The following AEBP2 variants were observed in gnomAD, a reference collection of about 807,000 sequenced individuals.
AEBP2 encodes the protein zinc finger protein AEBP2.
AEBP2 carries 10 observed loss-of-function variants against 50.8 expected under a neutral mutation model. The observed-to-expected ratio is 0.20, with a 90% CI of 0.12 to 0.33. AEBP2 has a LOEUF of 0.33. AEBP2 is among the 10% of genes least tolerant of loss of function. The pLI is 1.00. For synonymous variants in AEBP2, 296 were observed against 261.3 expected, an observed-to-expected ratio of 1.13 and a Z score of -1.28; for missense variants, 570 against 688.0, an observed-to-expected ratio of 0.83 and a Z score of 1.92.
intron 5 of AEBP2, among the ~76,000 whole-genome samples, chr12:19,504,016 C>T (rs1326182930): frequency 6.6e-6 from 1 of 152,054 alleles, no homozygotes; most frequent in Non-Finnish European, 1.5e-5. Flanking sequence ...TTGGTAGAGG[C>T]AAGGTCTCAC....
intron 3 of AEBP2, among the ~76,000 whole-genome samples, chr12:19,485,194 G>A (rs781665209): frequency 2.2e-4 from 34 of 152,168 alleles, no homozygotes; most frequent in Non-Finnish European, 4.6e-4. Context: ...CTATACAAAT[G>A]TTTTGTGTTT....
chr12:19,440,516 C>G (rs1385884072), intron 1 of AEBP2, 146 bp downstream of exon 1: 3 of 1,388,708 alleles, frequency 2.2e-6, no homozygotes, highest in Non-Finnish European at 2.8e-6. Context: ...GGAAATCTCT[C>G]GCCGTCGCCG....
chr12:19,493,743 T>C lies in AEBP2; in HGVS notation c.988-57T>C, dbSNP rs991499380. 17 of 1,510,838 alleles carry C rather than the reference T, an allele frequency of 1.1e-5. No individual in the cohort carries two copies. The African/African-American group carries it at 2.1e-4, about 19-fold the overall frequency. The allele number at this position is 1,510,838 out of a possible 1,614,324, so 93.6% of individuals were successfully genotyped here. A position where few individuals can be genotyped will look rare whatever the true frequency, so the allele number is the denominator to read the frequency against. ...AATACTAGATATTCACTCATTGATATTCTTCTCGTGCCCTACACAGCATGC... is the reference window on the plus strand; with the variant it reads ...AATACTAGATATTCACTCATTGATACTCTTCTCGTGCCCTACACAGCATGC... On this transcript the variant is annotated intron_variant, in intron 3 of 7. Coordinates refer to ENST00000266508, the MANE Select transcript of AEBP2 (RefSeq NM_153207.5).
chr12:19,503,076 C>T (rs945356812), intron 5 of AEBP2, among the ~76,000 whole-genome samples: 1 of 152,132 alleles, frequency 6.6e-6, no homozygotes, highest in African/African-American at 2.4e-5. Context: ...GCTCTTTGCG[C>T]TCCTTTTCAT....
At chr12:19,501,541 G>A (rs987400088) in intron 5 of AEBP2, among the ~76,000 whole-genome samples, 3 of 152,050 alleles carry the variant, frequency 2.0e-5, no homozygotes, top group Non-Finnish European at 4.4e-5. Flanking sequence ...GGAGGCTGAG[G>A]TGGGAGGATT....
intron 1 of AEBP2, among the ~76,000 whole-genome samples, chr12:19,432,343 TA>T (rs1490659557): frequency 1.6e-4 from 24 of 152,208 alleles, no homozygotes; most frequent in Non-Finnish European, 2.6e-4. Context: ...GGGGTTCCCC[TA>T]ACACAATGAT....
intron 1 of AEBP2, among the ~76,000 whole-genome samples, chr12:19,423,949 A>G (rs2095747185): frequency 6.6e-6 from 1 of 152,246 alleles, no homozygotes; most frequent in Non-Finnish European, 1.5e-5. Context: ...TATTGGTCCC[A>G]GTATAATTAA....
At chr12:19,405,778 A>G (rs35452816) in intron 1 of AEBP2, among the ~76,000 whole-genome samples, 12,779 of 152,168 alleles carry the variant, frequency 0.084, 605 homozygotes, top group Middle Eastern at 0.16. Context: ...TACATTTATT[A>G]AAATCAATGA....
At position 19,463,814 on chromosome 12, in the gene AEBP2, C is replaced by T. The variant is rs1592738282; in HGVS notation, c.879+1097C>T. On this transcript the variant is annotated intron_variant, in intron 2 of 7. Coordinates refer to ENST00000266508, the MANE Select transcript of AEBP2 (RefSeq NM_153207.5). ...CCGAGTAGCTGGGATTACAGGTGCC[C>T]GCCACCATGCCTGGCTAATTTTTGT... Among the ~76,000 whole-genome samples, 5 of 151,432 alleles carry T rather than the reference C, an allele frequency of 3.3e-5. No individual in the cohort carries two copies. The East Asian group carries it at 5.8e-4, about 18-fold the overall frequency.
In AEBP2 at chr12:19,456,857, AAT is replaced by A. The variant is rs1948278241; in HGVS notation, c.672-5651_672-5650del. ...CCACTCGGCCAACAGGAACAGTACCAATACCACCAATTTTTGTAGACATCCTG... is the reference window on the plus strand; with the variant it reads ...CCACTCGGCCAACAGGAACAGTACCAACCACCAATTTTTGTAGACATCCTG... On this transcript the variant is annotated intron_variant, in intron 1 of 7. Coordinates refer to ENST00000266508, the MANE Select transcript of AEBP2 (RefSeq NM_153207.5). The A allele has an allele frequency of 3.9e-6, 6 of 1,522,780 alleles. No individual in the cohort carries two copies. In the African/African-American group the frequency reaches 4.1e-5, roughly 10 times the overall value. 94.3% of individuals were successfully genotyped at this position (1,522,780 alleles called of 1,614,324 possible).
intron 7 of AEBP2, among the ~76,000 whole-genome samples, chr12:19,517,811 A>G (rs1565741230): frequency 6.6e-6 from 1 of 152,240 alleles, no homozygotes; most frequent in African/African-American, 2.4e-5. Flanking sequence ...CCAGCCAAGC[A>G]TCAGTTTTAA....
intron 1 of AEBP2, among the ~76,000 whole-genome samples, chr12:19,407,489 A>G (rs2095736950): frequency 6.6e-6 from 1 of 152,032 alleles, no homozygotes; most frequent in Admixed American, 6.6e-5. Context: ...TTTTTAGTAG[A>G]GACGGGGTTT....
Position 19,515,956 on chromosome 12 carries a change from A to G in AEBP2, c.1481+1172A>G, listed in dbSNP as rs923985402. On this transcript the variant is annotated intron_variant, in intron 7 of 7. Coordinates refer to ENST00000266508, the MANE Select transcript of AEBP2 (RefSeq NM_153207.5). Reference sequence around the variant, plus strand: ...CTCTACAAAAAATACATGGTGGCACATGCCTGTGGTCCCAGCTACTCAGGA... The same window carrying G: ...CTCTACAAAAAATACATGGTGGCACGTGCCTGTGGTCCCAGCTACTCAGGA... Among the ~76,000 whole-genome samples the G allele has an allele frequency of 1.8e-4, 27 of 152,112 alleles. 1 individual carries two copies. The highest frequency in any genetic ancestry group is 2.9e-5 in the Non-Finnish European group (2 of 68,016).
At chr12:19,479,714 T>TG (rs796749782) in intron 3 of AEBP2, among the ~76,000 whole-genome samples, 1 of 113,492 alleles carries the variant, frequency 8.8e-6, no homozygotes, top group Admixed American at 9.4e-5. Context: ...CACCTCTTTG[T>TG]GGGTTTTTTT....
chr12:19,488,804 T>C (rs1822058755), intron 3 of AEBP2, among the ~76,000 whole-genome samples: 2 of 152,200 alleles, frequency 1.3e-5, no homozygotes, highest in Non-Finnish European at 2.9e-5. Flanking sequence ...CATATTTTTT[T>C]TTTGTTATTT....
At position 19,501,750 on chromosome 12, in the gene AEBP2, G is replaced by C. The variant is rs1295299433; in HGVS notation, c.1299+1529G>C. ...AGGTCCTTATTGATATCAATATGTT[G>C]TTTGGTTTGAACCTCTATTTCCGTC... On this transcript the variant is annotated intron_variant, in intron 5 of 7. Transcript: ENST00000266508. 2.2e-5 allele frequency among the ~76,000 whole-genome samples: 3 copies of C among 138,120 alleles called. No individual in the cohort carries two copies. The Admixed American group carries it at 2.2e-4, about 10-fold the overall frequency. 90.6% of individuals were successfully genotyped at this position (138,120 alleles called of 152,430 possible). A position where few individuals can be genotyped will look rare whatever the true frequency, so the allele number is the denominator to read the frequency against.
chr12:19,511,840 T>C (rs1949236503), intron 5 of AEBP2, among the ~76,000 whole-genome samples: 2 of 152,112 alleles, frequency 1.3e-5, no homozygotes, highest in South Asian at 4.1e-4. Flanking sequence ...TAATTTATTT[T>C]ATACTAAACA....
chr12:19,407,693 C>T (rs1192775029), intron 1 of AEBP2, among the ~76,000 whole-genome samples: 1 of 152,186 alleles, frequency 6.6e-6, no homozygotes, highest in African/African-American at 2.4e-5. Flanking sequence ...TCTGTCTTGG[C>T]CTCCCAAAGT....
intron 1 of AEBP2, among the ~76,000 whole-genome samples, chr12:19,405,307 A>G (rs2095735620): frequency 6.6e-6 from 1 of 151,174 alleles, no homozygotes; most frequent in Non-Finnish European, 1.5e-5. Context: ...AGGTATCTGG[A>G]ATTGTTATTT....
Sources: allele counts gnomAD v4.1 joint callset (sites outside exome capture counted in the v4.1 genomes callset), GRCh38; gene constraint gnomAD v4.1.1; transcripts MANE v1.5; gene names NCBI Gene and HGNC (gene_info 2026-07-23, HGNC 2026-07-21).